The following PLCL2 variants were observed in gnomAD, a reference collection of about 807,000 sequenced individuals.
PLCL2 encodes inactive phospholipase C-like protein 2.
Under a neutral mutation model 79.6 loss-of-function variants are expected in PLCL2, and 4 were observed. The ratio of observed to expected loss-of-function variants is 0.05; its 90% CI spans 0.02 to 0.11. The LOEUF is 0.11. Ranked by LOEUF, PLCL2 falls within the 10% of genes least tolerant of loss-of-function variation. PLCL2 has a pLI of 1.00. For missense variants in PLCL2, 895 were observed against 1,291.0 expected, an observed-to-expected ratio of 0.69 and a Z score of 4.70; for synonymous variants, 484 against 457.7, an observed-to-expected ratio of 1.06 and a Z score of -0.73.
At position 17,068,006 on chromosome 3, in the gene PLCL2, A is replaced by C. The variant is rs1431184053; in HGVS notation, c.3145A>C (p.Lys1049Gln). ...CAGCATAGGCACCAAGGAAGGTTTG[A>C]AGGAAAGAAAACTACAAAAAGCAGT... ...LHSIGTKEGL[K>Q]ERKLQKAVES... is the part of the protein sequence containing the mutation. The change falls in exon 5 of 6, where the codon AAG becomes CAG. Residue 1049 changes from lysine to glutamine, a missense_variant. Transcript: ENST00000615277. The C allele has an allele frequency of 6.2e-7, 1 of 1,612,744 alleles. No homozygotes were observed. Among genetic ancestry groups the C allele is most frequent in the East Asian group, 2.2e-5 (1 of 44,838 alleles).
intron 1 of PLCL2, among the ~76,000 whole-genome samples, chr3:16,939,768 C>T (rs1326213564): frequency 3.3e-5 from 5 of 152,112 alleles, no homozygotes; most frequent in Admixed American, 2.6e-4. Context: ...AGCTTTTATT[C>T]GGGAGATCCT....
At chr3:17,055,567 AAAG>A (rs1486984284) in intron 4 of PLCL2, among the ~76,000 whole-genome samples, 6 of 152,212 alleles carry the variant, frequency 3.9e-5, no homozygotes, top group African/African-American at 7.2e-5. Flanking sequence ...CATGCAAAGA[AAAG>A]AAGGATTCCC....
intron 1 of PLCL2, among the ~76,000 whole-genome samples, chr3:16,941,075 C>A (rs889119484): frequency 6.6e-6 from 1 of 152,184 alleles, no homozygotes; most frequent in Non-Finnish European, 1.5e-5. Context: ...CCTCTTTGGC[C>A]TTTTCCTACT....
chr3:16,992,652 G>A (rs1204537299), intron 1 of PLCL2, among the ~76,000 whole-genome samples: 1 of 152,162 alleles, frequency 6.6e-6, no homozygotes, highest in East Asian at 1.9e-4. Context: ...ATCCTGCATA[G>A]CGAAGCAGGT....
chr3:16,899,377 G>A (rs371085688), intron 1 of PLCL2, among the ~76,000 whole-genome samples: 5 of 152,340 alleles, frequency 3.3e-5, no homozygotes, highest in African/African-American at 1.2e-4. Context: ...TTGGGGTCAT[G>A]TTTGAAAACA....
chr3:17,031,213 G>A (rs2064577616), intron 3 of PLCL2, among the ~76,000 whole-genome samples: 1 of 152,160 alleles, frequency 6.6e-6, no homozygotes. Context: ...CATTCAGGAT[G>A]TAGCGTCTGA....
chr3:16,944,637 G>C (rs753813599), intron 1 of PLCL2, among the ~76,000 whole-genome samples: 11 of 152,206 alleles, frequency 7.2e-5, no homozygotes, highest in Non-Finnish European at 1.5e-4. Context: ...GCCAAGGAGA[G>C]AGGCCTGGGA....
At chr3:16,962,447 T>G (rs527535398) in intron 1 of PLCL2, among the ~76,000 whole-genome samples, 1 of 150,504 alleles carries the variant, frequency 6.6e-6, no homozygotes, top group East Asian at 1.9e-4. Flanking sequence ...CCCAAGGACC[T>G]TTGATGTTTG....
chr3:16,992,754 A>G (rs2064117148), intron 1 of PLCL2, among the ~76,000 whole-genome samples: 1 of 152,204 alleles, frequency 6.6e-6, no homozygotes, highest in Admixed American at 6.5e-5. Flanking sequence ...CAGGCAGGCT[A>G]AGGATTGGAT....
chr3:16,980,112 C>T (rs1385871582), intron 1 of PLCL2, among the ~76,000 whole-genome samples: 1 of 107,002 alleles, frequency 9.3e-6, no homozygotes. Flanking sequence ...CCCCACCTCC[C>T]TCCCGGACGG....
At chr3:16,996,907 A>G (rs922906920) in intron 1 of PLCL2, among the ~76,000 whole-genome samples, 3 of 152,192 alleles carry the variant, frequency 2.0e-5, no homozygotes, top group African/African-American at 7.2e-5. Context: ...TCCTTGTACT[A>G]TCAACTTTGT....
intron 1 of PLCL2, among the ~76,000 whole-genome samples, chr3:16,994,631 T>C (rs1193605012): frequency 6.6e-6 from 1 of 152,244 alleles, no homozygotes; most frequent in African/African-American, 2.4e-5. Context: ...ATTGTAATTA[T>C]TTTAAAACTG....
chr3:16,954,273 G>A (rs975595889), intron 1 of PLCL2, among the ~76,000 whole-genome samples: 13 of 152,102 alleles, frequency 8.5e-5, no homozygotes, highest in African/African-American at 3.1e-4. Context: ...GAGCACATGC[G>A]GTGTTTGGTT....
chr3:17,036,965 C>A (rs759566037), intron 3 of PLCL2, among the ~76,000 whole-genome samples: 2 of 152,136 alleles, frequency 1.3e-5, no homozygotes, highest in African/African-American at 4.8e-5. Flanking sequence ...GCCATCATGG[C>A]TTCATCACCT....
chr3:16,992,829 C>T (rs1290933774), intron 1 of PLCL2, among the ~76,000 whole-genome samples: 1 of 152,200 alleles, frequency 6.6e-6, no homozygotes, highest in South Asian at 2.1e-4. Flanking sequence ...AGGAAATAAA[C>T]AAAAAGCAGT....
At chr3:16,904,126 G>A (rs1005126917) in intron 1 of PLCL2, among the ~76,000 whole-genome samples, 1 of 152,116 alleles carries the variant, frequency 6.6e-6, no homozygotes, top group Non-Finnish European at 1.5e-5. Flanking sequence ...TGCTGTTTTG[G>A]TGAAAAAAGT....
chr3:16,927,794 C>T (rs1171776432), intron 1 of PLCL2, among the ~76,000 whole-genome samples: 1 of 152,114 alleles, frequency 6.6e-6, no homozygotes, highest in African/African-American at 2.4e-5. Flanking sequence ...CCATGGAGCA[C>T]CACTCATGTT....
In PLCL2 at chr3:17,011,297, G is replaced by A; in HGVS notation, c.1951G>A (p.Val651Met). 6.2e-7 allele frequency: 1 copy of A among 1,614,208 alleles called. No individual in the cohort carries two copies. The highest frequency in any genetic ancestry group is 8.5e-7 in the Non-Finnish European group (1 of 1,180,030). Residue 651 changes from valine to methionine, a missense_variant, in exon 2 of 6, where the codon GTG becomes ATG. Coordinates refer to ENST00000615277, the MANE Select transcript of PLCL2 (RefSeq NM_001144382.2). This position sits in a 1 kb window ranked among gnomAD's most constrained non-coding sequence, Gnocchi z 7.9. The part of the protein sequence containing the change: ...KYWEVCSFNE[V>M]LASKYANENP... Reference sequence around the variant, plus strand: ...CTGGGAAGTCTGTTCCTTTAATGAAGTGCTTGCCAGCAAGTACGCCAATGA... The same window carrying A: ...CTGGGAAGTCTGTTCCTTTAATGAAATGCTTGCCAGCAAGTACGCCAATGA...
intron 3 of PLCL2, among the ~76,000 whole-genome samples, chr3:17,030,732 T>TA (rs566242729): frequency 4.2e-4 from 64 of 152,258 alleles, no homozygotes; most frequent in Non-Finnish European, 7.5e-4. Flanking sequence ...CTGCTGTGTT[T>TA]AAAAAAAGTA....
Sources: gnomAD v4.1 joint callset for allele counts (sites outside exome capture counted in the v4.1 genomes callset) on GRCh38, gnomAD v4.1.1 for gene constraint, Gnocchi (gnomAD v3.1) non-coding constraint, MANE v1.5 for transcripts, NCBI Gene and HGNC (gene_info 2026-07-23, HGNC 2026-07-21) for gene names.